The following BBS9 variants were observed in gnomAD, a reference collection of about 807,000 sequenced individuals.
The protein encoded by BBS9 is Bardet-Biedl syndrome 9.
Under a neutral mutation model 117.7 loss-of-function variants are expected in BBS9, and 89 were observed. That is an observed-to-expected ratio of 0.76 (90% CI 0.64 to 0.90). BBS9 has a LOEUF of 0.90. Among genes scored for constraint, BBS9 ranks in the 40% least tolerant of loss-of-function variants. BBS9 has a pLI of 0.00. For missense variants in BBS9, 982 were observed against 1,042.2 expected (o/e 0.94, Z 0.80); for synonymous variants, 379 against 370.9 (o/e 1.02, Z -0.25).
intron 9 of BBS9, among the ~76,000 whole-genome samples, chr7:33,314,757 C>A (rs572322846): frequency 6.6e-6 from 1 of 152,076 alleles, no homozygotes; most frequent in African/African-American, 2.4e-5. Flanking sequence ...CTTGAGAGAG[C>A]GTACAGTCTA....
intron 21 of BBS9, among the ~76,000 whole-genome samples, chr7:33,612,734 G>A (rs996793673): frequency 1.3e-5 from 2 of 151,930 alleles, no homozygotes; most frequent in African/African-American, 4.8e-5. Context: ...TACCTCTTCC[G>A]GATGTTTTTC....
chr7:33,428,364 T>C (rs1316162104), intron 19 of BBS9, among the ~76,000 whole-genome samples: 1 of 152,176 alleles, frequency 6.6e-6, no homozygotes, highest in Non-Finnish European at 1.5e-5. Flanking sequence ...AGTATTTTAT[T>C]GCCAAGGTAG....
chr7:33,549,744 G>A (rs1854055556), intron 21 of BBS9, among the ~76,000 whole-genome samples: 1 of 152,148 alleles, frequency 6.6e-6, no homozygotes, highest in African/African-American at 2.4e-5. Context: ...TCTCACACCA[G>A]TGAACTGCCT....
At chr7:33,146,083 A>G (rs779447907) in intron 1 of BBS9, among the ~76,000 whole-genome samples, 159 bp from the exon 2 acceptor site, 7 of 152,248 alleles carry the variant, frequency 4.6e-5, no homozygotes, top group African/African-American at 7.2e-5. Flanking sequence ...TAATGCTTCC[A>G]GCCATTTGGA....
intron 19 of BBS9, among the ~76,000 whole-genome samples, chr7:33,397,617 C>T (rs1828212689): frequency 1.3e-5 from 2 of 152,126 alleles, no homozygotes; most frequent in Admixed American, 1.3e-4. Flanking sequence ...TACATATGCA[C>T]CATGGAATAC....
chr7:33,258,587 A>C (rs887655018), intron 6 of BBS9, among the ~76,000 whole-genome samples: 2 of 152,168 alleles, frequency 1.3e-5, no homozygotes, highest in African/African-American at 4.8e-5. Flanking sequence ...GGTAATAAAT[A>C]AAATATTATA....
chr7:33,271,915 G>A (rs186772860), intron 7 of BBS9, among the ~76,000 whole-genome samples: 8 of 152,084 alleles, frequency 5.3e-5, no homozygotes, highest in Middle Eastern at 3.4e-3. Context: ...CATTCTTCTC[G>A]TCACCACATA....
At chr7:33,377,478 GCCTAGGCTTA>G (rs1824113556) in intron 17 of BBS9, among the ~76,000 whole-genome samples, 2 of 152,074 alleles carry the variant, frequency 1.3e-5, no homozygotes, top group South Asian at 4.1e-4. Context: ...TGTTCATTTT[GCCTAGGCTTA>G]CCTTGGCTAT....
intron 5 of BBS9, among the ~76,000 whole-genome samples, chr7:33,197,894 T>G (rs1785192363): frequency 6.6e-6 from 1 of 152,004 alleles, no homozygotes; most frequent in Admixed American, 6.6e-5. Flanking sequence ...GCATGCTTTT[T>G]GTAGAAGAAT....
chr7:33,625,368 T>C (rs1865591155), intron 21 of BBS9, among the ~76,000 whole-genome samples: 1 of 152,184 alleles, frequency 6.6e-6, no homozygotes, highest in African/African-American at 2.4e-5. Context: ...CTACTCATCT[T>C]AACAGCCATA....
chr7:33,342,608 T>A (rs1262911359), intron 11 of BBS9, among the ~76,000 whole-genome samples: 2 of 152,200 alleles, frequency 1.3e-5, no homozygotes, highest in African/African-American at 2.4e-5. Flanking sequence ...TCATTTTCCC[T>A]GTGTTACTAT....
downstream of BBS9, among the ~76,000 whole-genome samples, chr7:33,608,314 T>C (rs1398470666): frequency 8.5e-5 from 13 of 152,140 alleles, no homozygotes; most frequent in Admixed American, 8.5e-4. Flanking sequence ...GTTGATTCCA[T>C]GTCTTTACTA....
chr7:33,298,627 C>T (rs1269623844), intron 9 of BBS9, among the ~76,000 whole-genome samples: 1 of 152,126 alleles, frequency 6.6e-6, no homozygotes, highest in African/African-American at 2.4e-5. Context: ...TTAGGTATTT[C>T]CTGGTGAATG....
At chr7:33,155,874 G>C (rs1794026184) in intron 4 of BBS9, among the ~76,000 whole-genome samples, 172 bp downstream of exon 4, 1 of 151,956 alleles carries the variant, frequency 6.6e-6, no homozygotes, top group Non-Finnish European at 1.5e-5. Context: ...CAGATACTTA[G>C]GCTATTACAT....
chr7:33,138,467 A>C (rs1195567569), intron 1 of BBS9, among the ~76,000 whole-genome samples: 2 of 151,024 alleles, frequency 1.3e-5, no homozygotes, highest in Non-Finnish European at 2.9e-5. Context: ...CTGTTTGGGG[A>C]GGATGAGATT....
At chr7:33,559,484 C>T (rs1308979347) in intron 21 of BBS9, among the ~76,000 whole-genome samples, 3 of 152,118 alleles carry the variant, frequency 2.0e-5, no homozygotes, top group South Asian at 2.1e-4. Flanking sequence ...GCAGGATGAG[C>T]CAGGAGGCTT....
At chr7:33,469,418 A>G (rs1476447603) in intron 19 of BBS9, among the ~76,000 whole-genome samples, 1 of 152,122 alleles carries the variant, frequency 6.6e-6, no homozygotes, top group Non-Finnish European at 1.5e-5. Flanking sequence ...ATCCACATCA[A>G]TTTTATTTGG....
chr7:33,471,757 G>T (rs1841068429), intron 19 of BBS9, among the ~76,000 whole-genome samples: 1 of 152,196 alleles, frequency 6.6e-6, no homozygotes, highest in Non-Finnish European at 1.5e-5. Context: ...TGCCAAATTT[G>T]TAAAGGTTGG....
chr7:33,566,470 A>G (rs1856948211), intron 21 of BBS9, among the ~76,000 whole-genome samples: 1 of 152,114 alleles, frequency 6.6e-6, no homozygotes, highest in South Asian at 2.1e-4. Flanking sequence ...CATCACCCTT[A>G]AAGTTCCCAC....
Sources: allele counts gnomAD v4.1 joint callset (sites outside exome capture counted in the v4.1 genomes callset), GRCh38; gene constraint gnomAD v4.1.1; transcripts MANE v1.5; gene names NCBI Gene and HGNC (gene_info 2026-07-23, HGNC 2026-07-21).